Variants in UNKL observed in about 807,000 individuals in gnomAD.
The protein encoded by UNKL is unk like zinc finger, also known as putative E3 ubiquitin-protein ligase UNKL.
UNKL carries 60 observed loss-of-function variants against 78.0 expected under a neutral mutation model. The observed-to-expected ratio is 0.77, with a 90% CI of 0.63 to 0.95. The LOEUF is 0.95. Among genes scored for constraint, UNKL ranks in the 40% least tolerant of loss-of-function variants. The probability of loss-of-function intolerance (pLI) is 0.00; values close to 1 mark genes in which losing one functional copy is unlikely to be tolerated. For missense variants in UNKL, 1,159 were observed against 1,045.7 expected (o/e 1.11, Z -1.49); for synonymous variants, 608 against 474.8 (o/e 1.28, Z -3.65).
At chr16:1,371,698 G>C in intron 10 of UNKL, 87 bp from the exon 11 acceptor site, 2 of 1,383,804 alleles carry the variant, frequency 1.4e-6, no homozygotes, top group South Asian at 2.6e-5. Context: ...CGTCCCACCT[G>C]GGCTTAGAGT....
intron 2 of UNKL, among the ~76,000 whole-genome samples, chr16:1,405,237 G>A (rs1596762856): frequency 6.9e-6 from 1 of 144,736 alleles, no homozygotes; most frequent in South Asian, 2.3e-4. Flanking sequence ...GGCGAGGAAG[G>A]AAGGGAGGGA....
Position 1,363,501 on chromosome 16 carries a change from A to G in UNKL, c.*2739T>C, listed in dbSNP as rs1427221647. ...GTTACACACGTCGTGACACCACTGT[A>G]TCACGGCGAATGTCGAACACTAGAG... On this transcript the variant is annotated 3_prime_UTR_variant, in exon 15 of 15. Transcript: ENST00000389221. The G allele has an allele frequency of 1.4e-5, 4 of 288,996 alleles. No individual in the cohort carries two copies. The highest frequency in any genetic ancestry group is 3.0e-5 in the South Asian group (1 of 33,064). The allele number at this position is 288,996 out of a possible 1,614,324, so 17.9% of individuals were successfully genotyped here. A position where few individuals can be genotyped will look rare whatever the true frequency, so the allele number is the denominator to read the frequency against.
chr16:1,370,255 C>T lies in UNKL; in HGVS notation c.1460G>A (p.Gly487Asp). 6.5e-7 allele frequency: 1 copy of T among 1,533,976 alleles called. No individual in the cohort carries two copies. Among genetic ancestry groups the T allele is most frequent in the Non-Finnish European group, 8.7e-7 (1 of 1,143,146 alleles). The stretch of plus-strand genomic sequence containing the variant: ...CCCTGGGAGGGGCTGGGACAGCGAA[C>T]CGAGCGGCGAGGTGGACGCAGAGGA... ...SPSSASTSPL[G>D]SLSQPLPGPV... The change falls in exon 12 of 15, where the codon GGT (glycine) becomes GAT (aspartate). Residue 487 changes from glycine to aspartate, a missense_variant. Physicochemically the swap from Gly to Asp is moderately conservative, Grantham distance 94 (BLOSUM62 -1). Transcript: ENST00000389221.
intron 13 of UNKL, 35 bp downstream of exon 13, chr16:1,367,621 T>TCC: frequency 1.4e-6 from 1 of 729,436 alleles, no homozygotes; most frequent in South Asian, 1.7e-5. Flanking sequence ...CGGCCCTCCC[T>TCC]CCCCCTCACC....
Position 1,403,320 on chromosome 16 carries a change from C to A in UNKL, c.312G>T (p.Thr104=). The part of the protein sequence containing the change: ...GDECPYLHRT[T]GDTERKYHLR... ...GGTGGTACTTGCGTTCTGTGTCCCC[C>A]GTCGTCCGGTGCAGGTAGGGACACC... The change falls in exon 3 of 15, where the codon ACG becomes ACT. Residue 104 remains threonine, a synonymous_variant. Coordinates refer to ENST00000389221, the MANE Select transcript of UNKL (RefSeq NM_001372107.1). This position sits in a 1 kb window ranked among gnomAD's most constrained non-coding sequence, Gnocchi z 4.8. 3.1e-6 allele frequency: 5 copies of A among 1,614,144 alleles called. No homozygotes were observed. In the South Asian group the frequency reaches 4.4e-5, roughly 14 times the overall value.
chr16:1,398,136 C>G (rs1283219631), intron 5 of UNKL, among the ~76,000 whole-genome samples: 2 of 152,224 alleles, frequency 1.3e-5, no homozygotes, highest in African/African-American at 4.8e-5. Flanking sequence ...TCCTCGCCAA[C>G]TTTCTATAAA....
Position 1,367,169 on chromosome 16 carries a change from C to A in UNKL, c.1969G>T (p.Asp657Tyr). The change falls in exon 14 of 15, where the codon GAC (aspartate) becomes TAC (tyrosine). Residue 657 changes from aspartate (D) to tyrosine (Y), a missense_variant. Transcript: ENST00000389221. ...STLPGLRGCG[D>Y]IGTIPLPKLH... Reference sequence around the variant, plus strand: ...TTCGGCAGGGGAATGGTGCCGATGTCCCCACAGCCCCGCAGCCCCGGCAGT... The same window carrying A: ...TTCGGCAGGGGAATGGTGCCGATGTACCCACAGCCCCGCAGCCCCGGCAGT... 1 of 1,605,474 alleles carries A rather than the reference C, an allele frequency of 6.2e-7. No individual in the cohort carries two copies. Among genetic ancestry groups the A allele is most frequent in the East Asian group, 2.2e-5 (1 of 44,710 alleles).
chr16:1,371,616 C>G lies in UNKL; in HGVS notation c.1265-5G>C. ...GATGCAGGTCTAACGCAGAACCTGT[C>G]AACAGAGCCCCCCATCATCCACAGC... On this transcript the variant is annotated splice_region_variant and splice_polypyrimidine_tract_variant and intron_variant, in intron 10 of 14. Transcript: ENST00000389221. 1 of 1,536,000 alleles carries G rather than the reference C, an allele frequency of 6.5e-7. No homozygotes were observed. Among genetic ancestry groups the G allele is most frequent in the Non-Finnish European group, 8.7e-7 (1 of 1,146,806 alleles).
intron 12 of UNKL, among the ~76,000 whole-genome samples, chr16:1,368,608 CAAAAAAAAAAAAAAAAA>C (rs757374554): frequency 2.4e-5 from 1 of 42,144 alleles, no homozygotes; most frequent in Admixed American, 3.7e-4. Flanking sequence ...GACTCCGTCT[CAAAAAAAAAAAAAAAAA>C]AAAAAAAAAA....
chr16:1,409,312 G>C (rs1391998429), intron 2 of UNKL, among the ~76,000 whole-genome samples: 1 of 152,000 alleles, frequency 6.6e-6, no homozygotes, highest in Non-Finnish European at 1.5e-5. Flanking sequence ...CCCTTAATGA[G>C]AACCAGAACG....
intron 11 of UNKL, among the ~76,000 whole-genome samples, chr16:1,370,649 A>G (rs949125855): frequency 6.6e-6 from 1 of 152,352 alleles, no homozygotes; most frequent in South Asian, 2.1e-4. Flanking sequence ...GACACCCACC[A>G]GGCCCTGCCG....
chr16:1,414,585 C>T lies in UNKL; in HGVS notation c.77+30G>A, dbSNP rs747666243. 6.0e-6 allele frequency: 6 copies of T among 991,970 alleles called. No homozygotes were observed. In the East Asian group the frequency reaches 3.1e-4, roughly 51 times the overall value. 61.4% of individuals were successfully genotyped at this position (991,970 alleles called of 1,614,324 possible). The stretch of plus-strand genomic sequence containing the variant: ...GGCTCCGAGCTGCACCGGGCGCGGG[C>T]GGGGGGCCGCAGGCCGGACGGGCGC... On this transcript the variant is annotated intron_variant, in intron 1 of 14. Transcript: ENST00000389221.
chr16:1,377,383 CCT>C (rs1386296366), intron 10 of UNKL, among the ~76,000 whole-genome samples: 4 of 152,026 alleles, frequency 2.6e-5, no homozygotes, highest in Non-Finnish European at 4.4e-5. Context: ...TGCAGATGCC[CCT>C]GTTGGTCCTG....
At position 1,405,758 on chromosome 16, in the gene UNKL, A is replaced by G. The variant is rs910719211; in HGVS notation, c.288-2414T>C. The G allele has an allele frequency of 8.8e-6, 3 of 339,380 alleles. No homozygotes were observed. The East Asian group carries it at 2.3e-4, about 26-fold the overall frequency. The allele number at this position is 339,380 out of a possible 1,614,324, so 21.0% of individuals were successfully genotyped here. A position where few individuals can be genotyped will look rare whatever the true frequency, so the allele number is the denominator to read the frequency against. On this transcript the variant is annotated intron_variant, in intron 2 of 14. Transcript: ENST00000389221. ...ACGGTTCTCAAACTCATCCGAGACA[A>G]TCAGTGAGCAGAGCCACGTGATTAC...
chr16:1,390,747 T>C, intron 8 of UNKL, 53 bp from the exon 9 acceptor site: 1 of 1,528,426 alleles, frequency 6.5e-7, no homozygotes, highest in Non-Finnish European at 8.8e-7. Context: ...AAATGTAAAT[T>C]AAAAACATAC....
Position 1,397,229 on chromosome 16 carries a change from G to A in UNKL, c.801C>T (p.Gly267=), listed in dbSNP as rs1015873004. The stretch of plus-strand genomic sequence containing the variant: ...GGGAGTGGCAATACTGGCAGCCGTC[G>A]CCGCCATCGCAGCGTGAGGGTTCCC... The part of the protein sequence containing the change: ...EWGEPSRCDG[G]DGCQYCHSRT... The change falls in exon 6 of 15, where the codon GGC becomes GGT. Residue 267 remains glycine (G), a synonymous_variant. Transcript: ENST00000389221. 39 of 1,544,850 alleles carry A rather than the reference G, an allele frequency of 2.5e-5. No individual in the cohort carries two copies. The Admixed American group carries it at 4.1e-4, about 16-fold the overall frequency.
chr16:1,374,174 C>T (rs565598886), intron 10 of UNKL, among the ~76,000 whole-genome samples: 3 of 149,372 alleles, frequency 2.0e-5, no homozygotes, highest in Admixed American at 6.6e-5. Flanking sequence ...CGGCCAACAC[C>T]GCACAGAGAC....
intron 6 of UNKL, chr16:1,395,689 T>C (rs1484918381): frequency 1.1e-5 from 5 of 456,552 alleles, no homozygotes; most frequent in South Asian, 3.1e-5. Flanking sequence ...TCAGGATTTA[T>C]GGTGCGGCTG....
chr16:1,384,939 G>A (rs922845870), intron 10 of UNKL, among the ~76,000 whole-genome samples: 4 of 152,120 alleles, frequency 2.6e-5, no homozygotes, highest in Admixed American at 2.0e-4. Context: ...TCCCTGAGCC[G>A]GACGGCGCCT....
Sources: gnomAD v4.1 joint callset for allele counts (sites outside exome capture counted in the v4.1 genomes callset) on GRCh38, gnomAD v4.1.1 for gene constraint, Gnocchi (gnomAD v3.1) non-coding constraint, MANE v1.5 for transcripts, NCBI Gene and HGNC (gene_info 2026-07-23, HGNC 2026-07-21) for gene names.